Variants in RETREG3 observed in about 807,000 individuals in gnomAD.
The protein encoded by RETREG3 is reticulophagy regulator 3.
A neutral mutation model predicts 50.2 loss-of-function variants in RETREG3; 23 were observed. That is an observed-to-expected ratio of 0.46 (90% CI 0.33 to 0.65). RETREG3 has a LOEUF of 0.65. Among genes scored for constraint, RETREG3 ranks in the 30% least tolerant of loss-of-function variants. RETREG3 has a pLI of 0.02. For missense variants in RETREG3, 546 were observed against 598.0 expected (o/e 0.91, Z 0.91); for synonymous variants, 240 against 234.4 (o/e 1.02, Z -0.22).
chr17:42,593,647 C>CAAAAAAAAA (rs10537185), intron 1 of RETREG3, among the ~76,000 whole-genome samples: 1 of 86,314 alleles, frequency 1.2e-5, no homozygotes. Flanking sequence ...GACTCCGTCT[C>CAAAAAAAAA]AAAAAAAAAA....
intron 1 of RETREG3, among the ~76,000 whole-genome samples, chr17:42,607,806 TA>T (rs781582346): frequency 0.02 from 2,691 of 137,702 alleles, 22 homozygotes; most frequent in East Asian, 0.052. Flanking sequence ...AACTCTGTCT[TA>T]AAAAAAAAAA....
chr17:42,603,525 A>C (rs1258294325), intron 1 of RETREG3, among the ~76,000 whole-genome samples: 1 of 152,204 alleles, frequency 6.6e-6, no homozygotes, highest in African/African-American at 2.4e-5. Flanking sequence ...AACAGTGGAG[A>C]GAAAGCACTC....
At chr17:42,585,025 G>C (rs9889580) in intron 6 of RETREG3, 100 bp downstream of exon 6, 798,842 of 1,424,948 alleles carry the variant, frequency 0.56, 226,476 homozygotes, top group African/African-American at 0.7. Flanking sequence ...AACTACCCCC[G>C]ACTTCCACTT....
chr17:42,583,877 G>A (rs1031218338), intron 6 of RETREG3, among the ~76,000 whole-genome samples: 1 of 152,106 alleles, frequency 6.6e-6, no homozygotes, highest in Non-Finnish European at 1.5e-5. Context: ...GCGCGATCTC[G>A]GCTCACTGCA....
At chr17:42,597,655 A>T (rs1476356460) in intron 1 of RETREG3, among the ~76,000 whole-genome samples, 2 of 102,612 alleles carry the variant, frequency 1.9e-5, no homozygotes, top group Non-Finnish European at 1.8e-5. Flanking sequence ...TTTGAGACAG[A>T]GTCTCACTCT....
chr17:42,591,970 C>T, intron 2 of RETREG3, 86 bp downstream of exon 2: 4 of 1,176,178 alleles, frequency 3.4e-6, no homozygotes, highest in Non-Finnish European at 3.7e-6. Flanking sequence ...CTCCATACAC[C>T]TCCTCATAAA....
At chr17:42,602,068 G>C (rs1285034437) in intron 1 of RETREG3, among the ~76,000 whole-genome samples, 1 of 152,076 alleles carries the variant, frequency 6.6e-6, no homozygotes, top group Non-Finnish European at 1.5e-5. Context: ...TGTAATCCCA[G>C]CCTTTGGGAG....
At chr17:42,584,986 A>AT in intron 6 of RETREG3, 139 bp downstream of exon 6, 1 of 1,045,508 alleles carries the variant, frequency 9.6e-7, no homozygotes, top group Non-Finnish European at 1.4e-6. Flanking sequence ...ACAGAATATC[A>AT]TTTTTACCTA....
At chr17:42,586,657 A>G (rs2093121890) in intron 4 of RETREG3, 108 bp downstream of exon 4, 2 of 1,453,050 alleles carry the variant, frequency 1.4e-6, no homozygotes, top group Non-Finnish European at 1.9e-6. Flanking sequence ...TATGAACATC[A>G]TAGTCTTTAC....
chr17:42,597,117 G>C (rs922340537), intron 1 of RETREG3, among the ~76,000 whole-genome samples: 5 of 151,614 alleles, frequency 3.3e-5, no homozygotes, highest in Non-Finnish European at 5.9e-5. Context: ...CAAGTGATCC[G>C]CCCGCTTCGA....
intron 6 of RETREG3, among the ~76,000 whole-genome samples, chr17:42,584,565 T>G (rs2093117060): frequency 6.6e-6 from 1 of 152,036 alleles, no homozygotes; most frequent in African/African-American, 2.4e-5. Context: ...ATCCCAACAC[T>G]TTGGAACGCC....
chr17:42,585,287 G>A (rs757299282), intron 5 of RETREG3, 25 bp from the exon 6 acceptor site: 2 of 1,609,380 alleles, frequency 1.2e-6, no homozygotes, highest in Non-Finnish European at 1.7e-6. Flanking sequence ...GGGAAACAGT[G>A]ACAAAATGGA....
At chr17:42,584,718 GAGT>G (rs2093117448) in intron 6 of RETREG3, among the ~76,000 whole-genome samples, 1 of 149,728 alleles carries the variant, frequency 6.7e-6, no homozygotes, top group Non-Finnish European at 1.5e-5. Context: ...TGGCGGGGCT[GAGT>G]AGAAGGATCA....
At chr17:42,595,666 C>CT (rs770492649) in intron 1 of RETREG3, among the ~76,000 whole-genome samples, 2,667 of 134,450 alleles carry the variant, frequency 0.02, 109 homozygotes, top group African/African-American at 0.061. Context: ...TTCTTTCTTT[C>CT]TTTTTTTTTT....
intron 1 of RETREG3, among the ~76,000 whole-genome samples, chr17:42,601,693 C>T (rs371265899): frequency 9.5e-5 from 11 of 115,850 alleles, no homozygotes; most frequent in African/African-American, 3.0e-4. Context: ...AGTGCAGTGG[C>T]GCGATCTCGG....
chr17:42,596,359 C>CAAAAAAAAAAAAAAAAAAAAA (rs60457978), intron 1 of RETREG3, among the ~76,000 whole-genome samples: 11 of 64,712 alleles, frequency 1.7e-4, no homozygotes, highest in African/African-American at 7.3e-4. Flanking sequence ...GACCCTTTCT[C>CAAAAAAAAAAAAAAAAAAAAA]AAAAAAAAAA....
chr17:42,586,091 C>T lies in RETREG3; in HGVS notation c.551G>A (p.Gly184Asp). 1 of 1,614,038 alleles carries T rather than the reference C, an allele frequency of 6.2e-7. No homozygotes were observed. Among genetic ancestry groups the T allele is most frequent in the African/African-American group, 1.3e-5 (1 of 74,994 alleles). Residue 184 changes from glycine (G) to aspartate (D), a missense_variant, in exon 5 of 9, where the codon GGC (glycine) becomes GAC (aspartate). Physicochemically the swap from Gly to Asp is moderately conservative, Grantham distance 94. Coordinates refer to ENST00000309428, the MANE Select transcript of RETREG3 (RefSeq NM_178126.4). ...CAGCAGAAGCCCAGGGACGTAGCGG[C>T]CCAAGACAGCCAAAAAGGTCAGTAT... is the stretch of plus-strand genomic sequence containing the variant. ...CGILTFLAVL[G>D]RYVPGLLLSY...
chr17:42,600,066 T>A (rs543187876), intron 1 of RETREG3, among the ~76,000 whole-genome samples: 1 of 147,296 alleles, frequency 6.8e-6, no homozygotes, highest in Admixed American at 6.8e-5. Flanking sequence ...AAAAAGAGTT[T>A]AAAAAAAAAA....
At chr17:42,587,986 AT>A in intron 2 of RETREG3, 122 bp from the exon 3 acceptor site, 1 of 1,060,128 alleles carries the variant, frequency 9.4e-7, no homozygotes, top group Non-Finnish European at 1.5e-6. Context: ...GTAATAGCCG[AT>A]AAAAAAGGAG....
Sources: allele counts gnomAD v4.1 joint callset (sites outside exome capture counted in the v4.1 genomes callset), GRCh38; gene constraint gnomAD v4.1.1; transcripts MANE v1.5; gene names NCBI Gene and HGNC (gene_info 2026-07-23, HGNC 2026-07-21).